Variants in CYTH4 observed in about 807,000 individuals in gnomAD.
CYTH4 encodes the protein cytohesin-4.
Under a neutral mutation model 57.5 loss-of-function variants are expected in CYTH4, and 22 were observed. The observed-to-expected ratio is 0.38, with a 90% confidence interval of 0.27 to 0.55. The LOEUF (loss-of-function observed/expected upper bound fraction) is 0.55, where lower values mean the gene tolerates loss of function less well. Ranked by LOEUF, CYTH4 falls within the 20% of genes least tolerant of loss-of-function variation. CYTH4 has a pLI of 0.74. For missense variants in CYTH4, 420 were observed against 535.6 expected, an observed-to-expected ratio of 0.78 and a Z score of 2.13; for synonymous variants, 186 against 206.5, an observed-to-expected ratio of 0.90 and a Z score of 0.85.
chr22:37,299,326 G>A lies in CYTH4; in HGVS notation c.434+20G>A, dbSNP rs755322842. 4.3e-6 allele frequency: 7 copies of A among 1,611,980 alleles called. No homozygotes were observed. The highest frequency in any genetic ancestry group is 5.9e-6 in the Non-Finnish European group (7 of 1,178,286). The stretch of plus-strand genomic sequence containing the variant: ...CCTCAGGTGAGTAGTCCTGGGGCAG[G>A]GTCCCGGCCCTCAAGGGTGGCACAG... On this transcript the variant is annotated intron_variant, in intron 6 of 12. Coordinates refer to ENST00000248901, the MANE Select transcript of CYTH4 (RefSeq NM_013385.5).
At chr22:37,287,725 A>T (rs1300659808) in intron 1 of CYTH4, among the ~76,000 whole-genome samples, 2 of 152,130 alleles carry the variant, frequency 1.3e-5, no homozygotes, top group Non-Finnish European at 2.9e-5. Flanking sequence ...GTCAGCAAAC[A>T]AGGGTGCAGT....
chr22:37,295,734 C>T lies in CYTH4; in HGVS notation c.168-265C>T, dbSNP rs1209777118. ...CGGTTTCTTGCACAGGGCCCCTCCACCTTCTCCCACACGGCAGCTCCGGGT... is the reference window on the plus strand; with the variant it reads ...CGGTTTCTTGCACAGGGCCCCTCCATCTTCTCCCACACGGCAGCTCCGGGT... On this transcript the variant is annotated intron_variant, in intron 3 of 12. Coordinates refer to ENST00000248901, the MANE Select transcript of CYTH4 (RefSeq NM_013385.5). This position sits in a 1 kb window ranked among gnomAD's most constrained non-coding sequence, Gnocchi z 4.1. Among the ~76,000 whole-genome samples, 1 of 152,254 alleles carries T rather than the reference C, an allele frequency of 6.6e-6. No individual in the cohort carries two copies. Among genetic ancestry groups the T allele is most frequent in the Non-Finnish European group, 1.5e-5 (1 of 68,050 alleles).
chr22:37,285,806 T>A (rs746720883), intron 1 of CYTH4, among the ~76,000 whole-genome samples: 10 of 152,002 alleles, frequency 6.6e-5, no homozygotes, highest in Non-Finnish European at 1.0e-4. Context: ...TTTTAACAAA[T>A]AGAGGAAGGG....
intron 1 of CYTH4, among the ~76,000 whole-genome samples, chr22:37,290,806 C>G (rs1005225814): frequency 6.6e-6 from 1 of 152,218 alleles, no homozygotes; most frequent in African/African-American, 2.4e-5. Context: ...CCTTGCCTGA[C>G]CGGGACTTGG....
At chr22:37,296,277 G>A in intron 4 of CYTH4, 1 of 595,804 alleles carries the variant, frequency 1.7e-6, no homozygotes, top group Non-Finnish European at 3.0e-6. Context: ...GGCAGGAGGA[G>A]CCAGGAGCAT....
chr22:37,308,411 AGTGCATGTATATGCACGCAAGC>A (rs1929481937), intron 8 of CYTH4, among the ~76,000 whole-genome samples: 1 of 151,842 alleles, frequency 6.6e-6, no homozygotes, highest in Admixed American at 6.6e-5. Context: ...CATGTATAAG[AGTGCATGTATATGCACGCAAGC>A]GTGCATGTGT....
chr22:37,287,645 C>G (rs1296487211), intron 1 of CYTH4, among the ~76,000 whole-genome samples: 1 of 152,126 alleles, frequency 6.6e-6, no homozygotes, highest in East Asian at 1.9e-4. Flanking sequence ...CAGGTGGCCC[C>G]TTACACCTTC....
In CYTH4 at chr22:37,300,898, C is replaced by A; in HGVS notation, c.435-9C>A. 1.2e-6 allele frequency: 2 copies of A among 1,612,990 alleles called. No homozygotes were observed. The highest frequency in any genetic ancestry group is 1.7e-6 in the Non-Finnish European group (2 of 1,179,218). ...CACTCCACTGCCCGTGGCCCCGTTT[C>A]TCCCCCAGGCAGTTCCTGTGGAGCT... On this transcript the variant is annotated splice_polypyrimidine_tract_variant and intron_variant, in intron 6 of 12. Transcript: ENST00000248901.
Position 37,298,809 on chromosome 22 carries a change from C to T in CYTH4, c.354-417C>T, listed in dbSNP as rs1388706784. Among the ~76,000 whole-genome samples, 1 of 152,134 alleles carries T rather than the reference C, an allele frequency of 6.6e-6. No individual in the cohort carries two copies. The highest frequency in any genetic ancestry group is 1.5e-5 in the Non-Finnish European group (1 of 68,016). On this transcript the variant is annotated intron_variant, in intron 5 of 12. Coordinates refer to ENST00000248901, the MANE Select transcript of CYTH4 (RefSeq NM_013385.5). This position sits in a 1 kb window ranked among gnomAD's most constrained non-coding sequence, Gnocchi z 4.1. ...ATGCAGACGGTGAGAAGGGCACCTT[C>T]CTGCTTCAGGAGCTGGGGAGAGGGA...
Position 37,303,248 on chromosome 22 carries a change from C to A in CYTH4, c.548-6C>A. ...GCCAGAACTGTGACCGCTGTCCCCT[C>A]CGCAGACACCTGCTACGTGTTGTCC... is the stretch of plus-strand genomic sequence containing the variant. On this transcript the variant is annotated splice_polypyrimidine_tract_variant and splice_region_variant and intron_variant, in intron 7 of 12. Coordinates refer to ENST00000248901, the MANE Select transcript of CYTH4 (RefSeq NM_013385.5). The A allele has an allele frequency of 1.2e-6, 2 of 1,614,056 alleles. No individual in the cohort carries two copies. The highest frequency in any genetic ancestry group is 1.7e-6 in the Non-Finnish European group (2 of 1,179,970).
At chr22:37,291,666 G>T (rs930704764) in intron 1 of CYTH4, among the ~76,000 whole-genome samples, 4 of 152,120 alleles carry the variant, frequency 2.6e-5, no homozygotes, top group African/African-American at 9.7e-5. Flanking sequence ...GGCTGGAGAG[G>T]TTGTGGAGGC....
chr22:37,292,409 C>A, intron 1 of CYTH4: 1 of 554,152 alleles, frequency 1.8e-6, no homozygotes, highest in Non-Finnish European at 3.2e-6. Context: ...GGGTGTCTAT[C>A]CAGGGGGGTG....
Position 37,296,009 on chromosome 22 carries a change from CAGAAGG to C in CYTH4, c.187_192del (p.Lys63_Glu64del). On this transcript the variant is annotated inframe_deletion, in exon 4 of 13. Transcript: ENST00000248901. Reference sequence around the variant, plus strand: ...TCCTCATGTCCACAGCCGGATGGCCCAGAAGGAGAAGGAGCTGTGTATTGGGCGCAA... The same window carrying C: ...TCCTCATGTCCACAGCCGGATGGCCCAGAAGGAGCTGTGTATTGGGCGCAA... The C allele has an allele frequency of 6.2e-7, 1 of 1,612,938 alleles. No homozygotes were observed. Among genetic ancestry groups the C allele is most frequent in the Non-Finnish European group, 8.5e-7 (1 of 1,179,516 alleles).
Position 37,309,196 on chromosome 22 carries a change from C to G in CYTH4, c.697-16C>G. 6.2e-7 allele frequency: 1 copy of G among 1,613,026 alleles called. No individual in the cohort carries two copies. Among genetic ancestry groups the G allele is most frequent in the East Asian group, 2.2e-5 (1 of 44,868 alleles). ...GGACTCACAGCCAGGTCTTTCTCTC[C>G]CTTGTCTTGGGGCAGAACCTCTTCG... On this transcript the variant is annotated splice_polypyrimidine_tract_variant and intron_variant, in intron 8 of 12. Transcript: ENST00000248901.
chr22:37,309,135 C>T, intron 8 of CYTH4, 77 bp from the exon 9 acceptor site: 2 of 1,337,072 alleles, frequency 1.5e-6, no homozygotes, highest in Admixed American at 1.8e-5. Context: ...CTCAAGGCCA[C>T]ACAGGCCAGG....
intron 7 of CYTH4, among the ~76,000 whole-genome samples, chr22:37,301,327 G>A (rs767557937): frequency 2.0e-5 from 3 of 152,210 alleles, no homozygotes; most frequent in Non-Finnish European, 4.4e-5. Flanking sequence ...CTCAGAGGCG[G>A]TGAGGTCTGA....
rs1929819487 is a variant in CYTH4, at chr22:37,315,339, C to T, written c.*1828C>T. 1 of 152,266 alleles carries T rather than the reference C, an allele frequency of 6.6e-6. No homozygotes were observed. Among genetic ancestry groups the T allele is most frequent in the Non-Finnish European group, 1.5e-5 (1 of 68,082 alleles). 9.4% of individuals were successfully genotyped at this position (152,266 alleles called of 1,614,324 possible). On this transcript the variant is annotated 3_prime_UTR_variant, in exon 13 of 13. Coordinates refer to ENST00000248901, the MANE Select transcript of CYTH4 (RefSeq NM_013385.5). ...CAAAGAGAGAATAAAACTCCTGATC[C>T]AACTCGTGAGTGGGCTCTGTCCTCT...
rs1314372209 is a variant in CYTH4, at chr22:37,295,013, C to T, written c.167+289C>T. Among the ~76,000 whole-genome samples the T allele has an allele frequency of 6.6e-6, 1 of 152,104 alleles. No individual in the cohort carries two copies. The highest frequency in any genetic ancestry group is 2.4e-5 in the African/African-American group (1 of 41,414). On this transcript the variant is annotated intron_variant, in intron 3 of 12. Coordinates refer to ENST00000248901, the MANE Select transcript of CYTH4 (RefSeq NM_013385.5). The surrounding 1 kb of genome is among the most constrained non-coding windows in gnomAD (Gnocchi z 4.1). ...GGTCCAGCCCTGACCGATCACTGGC[C>T]ACATCCACCCTGGGATGGGCGGGGA... is the stretch of plus-strand genomic sequence containing the variant.
At chr22:37,308,687 T>C (rs1418088486) in intron 8 of CYTH4, among the ~76,000 whole-genome samples, 1 of 151,808 alleles carries the variant, frequency 6.6e-6, no homozygotes, top group Non-Finnish European at 1.5e-5. Flanking sequence ...CATGTGTAAG[T>C]ATGCATGTAT....
Sources: allele counts gnomAD v4.1 joint callset (sites outside exome capture counted in the v4.1 genomes callset), GRCh38; gene constraint gnomAD v4.1.1; non-coding constraint Gnocchi (gnomAD v3.1); transcripts MANE v1.5; gene names NCBI Gene and HGNC (gene_info 2026-07-23, HGNC 2026-07-21).